The following BCAS3 variants were observed in gnomAD, a reference collection of about 807,000 sequenced individuals.
BCAS3 encodes BCAS4/BCAS3 fusion.
Under a neutral mutation model 116.1 loss-of-function variants are expected in BCAS3, and 53 were observed. The observed-to-expected ratio is 0.46, with a 90% CI of 0.37 to 0.57. The LOEUF (loss-of-function observed/expected upper bound fraction) is 0.57, where lower values mean the gene tolerates loss of function less well. Among genes scored for constraint, BCAS3 ranks in the 20% least tolerant of loss-of-function variants. BCAS3 has a pLI of 0.00. For missense variants in BCAS3, 917 were observed against 1,165.4 expected (o/e 0.79, Z 3.10); for synonymous variants, 391 against 408.2 (o/e 0.96, Z 0.51).
chr17:60,805,853 C>T (rs1453699881), intron 6 of BCAS3, among the ~76,000 whole-genome samples: 3 of 145,702 alleles, frequency 2.1e-5, no homozygotes, highest in Non-Finnish European at 4.5e-5. Context: ...GTGACTCAGC[C>T]TAAGTTTTTT....
intron 22 of BCAS3, among the ~76,000 whole-genome samples, chr17:61,176,465 G>T (rs1388919372): frequency 6.6e-6 from 1 of 150,976 alleles, no homozygotes; most frequent in Non-Finnish European, 1.5e-5. Context: ...AAAGGCTGAG[G>T]CCCTGTCCCC....
At chr17:60,702,398 A>G (rs759408681) in intron 4 of BCAS3, among the ~76,000 whole-genome samples, 1 of 152,162 alleles carries the variant, frequency 6.6e-6, no homozygotes, top group Non-Finnish European at 1.5e-5. Flanking sequence ...AACCTTGAAT[A>G]CCACGATGGG....
intron 22 of BCAS3, among the ~76,000 whole-genome samples, chr17:61,334,664 C>CAAAAAAAAAAAAAAAAAAAA (rs35400660): frequency 2.0e-5 from 1 of 50,892 alleles, no homozygotes; most frequent in Non-Finnish European, 3.9e-5. Context: ...AACTCCATCT[C>CAAAAAAAAAAAAAAAAAAAA]AAAAAAAAAA....
chr17:60,855,611 C>T (rs947078214), intron 7 of BCAS3, among the ~76,000 whole-genome samples: 2 of 151,888 alleles, frequency 1.3e-5, no homozygotes, highest in East Asian at 1.9e-4. Context: ...TGTGCCACCA[C>T]GCCCGGCCAC....
At chr17:61,191,795 G>GAA (rs965968117) in intron 22 of BCAS3, among the ~76,000 whole-genome samples, 2 of 151,012 alleles carry the variant, frequency 1.3e-5, no homozygotes, top group Non-Finnish European at 3.0e-5. Flanking sequence ...GAAAAGAAAA[G>GAA]AAAAGAAAAG....
intron 22 of BCAS3, among the ~76,000 whole-genome samples, chr17:61,207,314 C>T (rs1184633989): frequency 6.6e-6 from 1 of 152,066 alleles, no homozygotes; most frequent in Non-Finnish European, 1.5e-5. Context: ...TTCTTACTGT[C>T]TGTGTATTAA....
chr17:61,383,749 G>A (rs1275248185), intron 23 of BCAS3: 1 of 152,272 alleles, frequency 6.6e-6, no homozygotes, highest in Non-Finnish European at 1.5e-5. Flanking sequence ...AAAGGGGAAA[G>A]CCACATCTTA....
rs922010918 is a variant in BCAS3, at chr17:61,352,450, A to AGG, written c.2426-15874_2426-15873dup. ...GGAATTGGCATTTCTTCCACAAGGAAGGGGTGAGAGGAGGCTCTACTGGCC... is the reference window on the plus strand; with the variant it reads ...GGAATTGGCATTTCTTCCACAAGGAAGGGGGGTGAGAGGAGGCTCTACTGGCC... On this transcript the variant is annotated intron_variant, in intron 22 of 23. Transcript: ENST00000407086. This position sits in a 1 kb window ranked among gnomAD's most constrained non-coding sequence, Gnocchi z 4.7. Among the ~76,000 whole-genome samples, 6 of 152,308 alleles carry AGG rather than the reference A, an allele frequency of 3.9e-5. No individual in the cohort carries two copies. The highest frequency in any genetic ancestry group is 1.4e-4 in the African/African-American group (6 of 41,580).
In BCAS3 at chr17:60,827,222, G is replaced by A. The variant is rs546049253; in HGVS notation, c.476+19146G>A. 5.3e-5 allele frequency among the ~76,000 whole-genome samples: 8 copies of A among 152,258 alleles called. No homozygotes were observed. In the South Asian group the frequency reaches 1.7e-3, roughly 32 times the overall value. On this transcript the variant is annotated intron_variant, in intron 7 of 23. Coordinates refer to ENST00000407086, the MANE Select transcript of BCAS3 (RefSeq NM_017679.5). ...TTGGTTCTTGTGTGAATTCAATGAG[G>A]CACTGTTTTCAAGTATTGATTACAT... is the stretch of plus-strand genomic sequence containing the variant.
chr17:61,028,339 A>G lies in BCAS3; in HGVS notation c.1638-6327A>G, dbSNP rs1310725711. On this transcript the variant is annotated intron_variant, in intron 16 of 23. Coordinates refer to ENST00000407086, the MANE Select transcript of BCAS3 (RefSeq NM_017679.5). The surrounding 1 kb of genome is among the most constrained non-coding windows in gnomAD (Gnocchi z 4.3). ...CTAAACAAATTCAGGATATACAAGA[A>G]TATAAATCTCATGAAAGTTGATCTT... Among the ~76,000 whole-genome samples, 2 of 151,886 alleles carry G rather than the reference A, an allele frequency of 1.3e-5. No homozygotes were observed. Among genetic ancestry groups the G allele is most frequent in the Non-Finnish European group, 3.0e-5 (2 of 67,782 alleles).
chr17:60,681,458 C>T lies in BCAS3; in HGVS notation c.83+1918C>T, dbSNP rs561131200. ...GAGGTTGCAGTGAGCTGAGATCGCACCACTGCACTCCAGCCTGGGGGACAA... is the reference window on the plus strand; with the variant it reads ...GAGGTTGCAGTGAGCTGAGATCGCATCACTGCACTCCAGCCTGGGGGACAA... On this transcript the variant is annotated intron_variant, in intron 2 of 23. Coordinates refer to ENST00000407086, the MANE Select transcript of BCAS3 (RefSeq NM_017679.5). Among the ~76,000 whole-genome samples, 10 of 151,522 alleles carry T rather than the reference C, an allele frequency of 6.6e-5. No homozygotes were observed. In the South Asian group the frequency reaches 2.1e-3, roughly 32 times the overall value.
chr17:60,849,142 G>T (rs545267182), intron 7 of BCAS3, among the ~76,000 whole-genome samples: 5 of 152,166 alleles, frequency 3.3e-5, no homozygotes, highest in Non-Finnish European at 5.9e-5. Flanking sequence ...GTAATTTGGG[G>T]GTACAGCAAG....
At chr17:61,147,586 T>G (rs2143977493) in intron 22 of BCAS3, among the ~76,000 whole-genome samples, 1 of 152,350 alleles carries the variant, frequency 6.6e-6, no homozygotes, top group Non-Finnish European at 1.5e-5. Context: ...TGTTCTCAAG[T>G]ATAACTCACC....
chr17:61,101,427 T>A (rs2143664131), intron 22 of BCAS3, among the ~76,000 whole-genome samples: 1 of 152,250 alleles, frequency 6.6e-6, no homozygotes, highest in East Asian at 1.9e-4. Context: ...AACTCACAAT[T>A]CACTCTATAG....
chr17:61,138,595 T>C (rs940036004), intron 22 of BCAS3, among the ~76,000 whole-genome samples: 5 of 152,206 alleles, frequency 3.3e-5, no homozygotes, highest in African/African-American at 1.2e-4. Context: ...AAATAAATTA[T>C]CCATTTAGGG....
intron 14 of BCAS3, among the ~76,000 whole-genome samples, chr17:60,984,120 A>T (rs1293338410): frequency 4.6e-5 from 7 of 152,232 alleles, no homozygotes; most frequent in African/African-American, 1.4e-4. Context: ...TTATATCATT[A>T]ATGTGTCATT....
Position 60,741,058 on chromosome 17 carries a change from A to G in BCAS3, c.322-6140A>G, listed in dbSNP as rs148963388. Among the ~76,000 whole-genome samples the G allele has an allele frequency of 2.2e-4, 33 of 152,226 alleles. No homozygotes were observed. The East Asian group carries it at 5.8e-3, about 27-fold the overall frequency. On this transcript the variant is annotated intron_variant, in intron 5 of 23. Coordinates refer to ENST00000407086, the MANE Select transcript of BCAS3 (RefSeq NM_017679.5). The stretch of plus-strand genomic sequence containing the variant: ...TCTTGTCCACATTGAACCTCTAGAA[A>G]TTTGTCAATCACAGTTTAGGTGTTC...
At chr17:60,710,758 A>G (rs921151318) in intron 5 of BCAS3, among the ~76,000 whole-genome samples, 2 of 148,502 alleles carry the variant, frequency 1.3e-5, no homozygotes, top group African/African-American at 5.0e-5. Context: ...AAAAATGTTT[A>G]TTTTTTGATA....
intron 6 of BCAS3, among the ~76,000 whole-genome samples, chr17:60,776,826 A>G (rs2045339418): frequency 6.6e-6 from 1 of 151,718 alleles, no homozygotes; most frequent in Non-Finnish European, 1.5e-5. Flanking sequence ...GATTAGCCTG[A>G]CCAACACAGA....
Sources: allele counts gnomAD v4.1 joint callset (sites outside exome capture counted in the v4.1 genomes callset), GRCh38; gene constraint gnomAD v4.1.1; non-coding constraint Gnocchi (gnomAD v3.1); transcripts MANE v1.5; gene names NCBI Gene and HGNC (gene_info 2026-07-23, HGNC 2026-07-21).